SYNE1: variants seen among roughly 807,000 people sequenced by gnomAD.
SYNE1 encodes the protein spectrin repeat containing nuclear envelope protein 1, also known as nesprin-1.
SYNE1 carries 616 observed loss-of-function variants against 1,111.0 expected under a neutral mutation model. That is an observed-to-expected ratio of 0.55 (90% CI 0.52 to 0.59). SYNE1 has a LOEUF of 0.59. SYNE1 is among the 20% of genes least tolerant of loss of function. The pLI, the probability that SYNE1 is intolerant of heterozygous loss-of-function variation, is 0.00. For missense variants in SYNE1, 10,006 were observed against 10,417.0 expected, an observed-to-expected ratio of 0.96 and a Z score of 1.72; for synonymous variants, 3,855 against 3,825.8, an observed-to-expected ratio of 1.01 and a Z score of -0.28.
At chr6:152,434,140 T>C in intron 33 of SYNE1, 195 bp from the exon 34 acceptor site, 1 of 593,876 alleles carries the variant, frequency 1.7e-6, no homozygotes, top group Non-Finnish European at 3.0e-6. Flanking sequence ...TCTCTGAGAA[T>C]GAACATTTAA....
At chr6:152,304,725 A>G (rs1191349926) in intron 91 of SYNE1, among the ~76,000 whole-genome samples, 2 of 152,200 alleles carry the variant, frequency 1.3e-5, no homozygotes, top group African/African-American at 4.8e-5. Context: ...TCCTGCAAAG[A>G]TGTGCCCACA....
chr6:152,313,799 C>T (rs564603073), intron 87 of SYNE1, among the ~76,000 whole-genome samples: 121 of 152,250 alleles, frequency 7.9e-4, no homozygotes, highest in African/African-American at 2.2e-3. Context: ...AAAGGGGGCA[C>T]GTGAGAACTC....
intron 3 of SYNE1, among the ~76,000 whole-genome samples, chr6:152,613,672 TG>T (rs2099638296): frequency 6.6e-6 from 1 of 152,150 alleles, no homozygotes; most frequent in African/African-American, 2.4e-5. Flanking sequence ...GAGCCCACAT[TG>T]CCAAGAAAAT....
intron 3 of SYNE1, among the ~76,000 whole-genome samples, chr6:152,596,128 G>A (rs910297907): frequency 0.017 from 787 of 46,344 alleles, 5 homozygotes; most frequent in African/African-American, 0.036. Flanking sequence ...AAAAAAAAAA[G>A]CCTCTTGTGA....
Position 152,330,579 on chromosome 6 carries a change from G to T in SYNE1, c.14106C>A (p.Thr4702=), listed in dbSNP as rs146180064. ...AAAGAGCCTCCTCAACGGCCAGGTCGGTGGGAACTTTGCTCATCCTCAAGA... is the reference window on the plus strand; with the variant it reads ...AAAGAGCCTCCTCAACGGCCAGGTCTGTGGGAACTTTGCTCATCCTCAAGA... The part of the protein sequence containing the change: ...AQFLRMSKVP[T]DLAVEEALSL... Residue 4702 remains threonine (T), a synonymous_variant, in exon 78 of 146, where the codon ACC becomes ACA. Coordinates refer to ENST00000367255, the MANE Select transcript of SYNE1 (RefSeq NM_182961.4). 5 of 1,613,700 alleles carry T rather than the reference G, an allele frequency of 3.1e-6. No individual in the cohort carries two copies. The African/African-American group carries it at 6.7e-5, about 22-fold the overall frequency.
chr6:152,358,835 T>C (rs1463472980), intron 65 of SYNE1, among the ~76,000 whole-genome samples: 1 of 152,238 alleles, frequency 6.6e-6, no homozygotes, highest in Non-Finnish European at 1.5e-5. Context: ...AATTCACTTT[T>C]GCTAATGAAG....
chr6:152,458,760 A>T lies in SYNE1; in HGVS notation c.2565T>A (p.His855Gln). The T allele has an allele frequency of 6.2e-7, 1 of 1,613,940 alleles. No homozygotes were observed. Among genetic ancestry groups the T allele is most frequent in the African/African-American group, 1.3e-5 (1 of 74,998 alleles). The change falls in exon 22 of 146, where the codon CAT becomes CAA. Residue 855 changes from histidine (H) to glutamine (Q), a missense_variant. Around this residue, in one of 7 missense-constraint regions of SYNE1, gnomAD observed 1,971 missense variants for 2,084.1 expected, o/e 0.95. Transcript: ENST00000367255. ...TCCTGAAAAGGATTGTTCTCACCTG[A>T]TGTTTTTGTTTAAAAAGGGCACTCG... ...AQSSALFKQK[H>Q]QELLACQENC...
At chr6:152,463,968 GT>G (rs2098749794) in intron 18 of SYNE1, among the ~76,000 whole-genome samples, 1 of 152,166 alleles carries the variant, frequency 6.6e-6, no homozygotes, top group African/African-American at 2.4e-5. Flanking sequence ...AGATTGTGTG[GT>G]GGTAAAGTTG....
At chr6:152,218,794 T>C (rs762116777) in intron 120 of SYNE1, among the ~76,000 whole-genome samples, 1 of 151,836 alleles carries the variant, frequency 6.6e-6, no homozygotes, top group African/African-American at 2.4e-5. Flanking sequence ...GGCTTGCATC[T>C]TAAACCGATT....
chr6:152,484,784 T>C (rs377400474), intron 13 of SYNE1, 51 bp downstream of exon 13: 1 of 1,596,288 alleles, frequency 6.3e-7, no homozygotes, highest in Non-Finnish European at 8.6e-7. Context: ...ATGAAAAATA[T>C]TCTTTTCTAA....
chr6:152,306,024 T>G (rs548102591), intron 91 of SYNE1, among the ~76,000 whole-genome samples: 23 of 152,146 alleles, frequency 1.5e-4, no homozygotes, highest in Non-Finnish European at 3.1e-4. Flanking sequence ...TTTGTTTAAT[T>G]AAGTAGCCCA....
chr6:152,351,368 T>C (rs981473950), intron 70 of SYNE1, among the ~76,000 whole-genome samples: 2 of 152,180 alleles, frequency 1.3e-5, no homozygotes, highest in Non-Finnish European at 2.9e-5. Flanking sequence ...AGGGAAAGCT[T>C]TGGGGTAAGC....
intron 129 of SYNE1, 131 bp from the exon 130 acceptor site, chr6:152,176,691 G>T: frequency 1.1e-6 from 1 of 896,904 alleles, no homozygotes; most frequent in Non-Finnish European, 1.8e-6. Flanking sequence ...ATACCATGTG[G>T]ATATCAGCCC....
intron 58 of SYNE1, among the ~76,000 whole-genome samples, chr6:152,374,071 T>G (rs1391626816): frequency 6.6e-6 from 1 of 152,216 alleles, no homozygotes; most frequent in Non-Finnish European, 1.5e-5. Flanking sequence ...TGGAGCAGAT[T>G]ACATTATTAG....
intron 95 of SYNE1, among the ~76,000 whole-genome samples, chr6:152,292,487 C>T (rs1397749165): frequency 1.3e-5 from 2 of 152,186 alleles, no homozygotes; most frequent in Admixed American, 1.3e-4. Flanking sequence ...AAACCTGAAA[C>T]CACTATTTCT....
chr6:152,207,922 T>C (rs749836272), intron 125 of SYNE1, 50 bp downstream of exon 125: 3 of 1,588,712 alleles, frequency 1.9e-6, no homozygotes, highest in South Asian at 1.1e-5. Context: ...AGGTAAAGTG[T>C]GCGGTGGAAA....
intron 137 of SYNE1, chr6:152,145,385 T>C: frequency 2.6e-6 from 3 of 1,133,586 alleles, no homozygotes; most frequent in Admixed American, 3.8e-5. Flanking sequence ...TGCCTTAACA[T>C]GCTAGAGCCA....
rs773412945 is a variant in SYNE1 at position 152,214,960 on chromosome 6, T to C, written c.22292A>G (p.Gln7431Arg). 6.2e-7 allele frequency: 1 copy of C among 1,614,174 alleles called. No homozygotes were observed. Among genetic ancestry groups the C allele is most frequent in the South Asian group, 1.1e-5 (1 of 91,084 alleles). Reference protein sequence around the residue: ...PLNDKEIKRMQNLNRHWSLIS... With the variant: ...PLNDKEIKRMRNLNRHWSLIS... ...CAGAGACCAATGGCGGTTCAGATTC[T>C]GCATTCTTTTGATTTCCTTATCATT... is the stretch of plus-strand genomic sequence containing the variant. The change falls in exon 122 of 146, where the codon CAG (glutamine) becomes CGG (arginine). Residue 7431 changes from glutamine to arginine, a missense_variant. Gln to Arg is a conservative substitution (Grantham distance 43). Transcript: ENST00000367255.
intron 125 of SYNE1, among the ~76,000 whole-genome samples, chr6:152,206,954 A>C (rs1455941649): frequency 6.6e-6 from 1 of 152,194 alleles, no homozygotes; most frequent in African/African-American, 2.4e-5. Flanking sequence ...TGGGGTTCAC[A>C]GAAGAATATT....
Sources: gnomAD v4.1 joint callset for allele counts (sites outside exome capture counted in the v4.1 genomes callset) on GRCh38, gnomAD v4.1.1 for gene constraint, gnomAD v4.1.1 regional missense constraint, MANE v1.5 for transcripts, NCBI Gene and HGNC (gene_info 2026-07-23, HGNC 2026-07-21) for gene names.